DNAI1: variants seen among roughly 807,000 people sequenced by gnomAD.
DNAI1 encodes dynein axonemal intermediate chain 1, also known as dynein, axonemal, intermediate polypeptide 1.
A neutral mutation model predicts 92.0 loss-of-function variants in DNAI1; 67 were observed. The ratio of observed to expected loss-of-function variants is 0.73; its 90% CI spans 0.60 to 0.89. The LOEUF (loss-of-function observed/expected upper bound fraction) is 0.89. Ranked by LOEUF, DNAI1 falls within the 40% of genes least tolerant of loss-of-function variation. The pLI is 0.00. For synonymous variants in DNAI1, 323 were observed against 319.6 expected (o/e 1.01, Z -0.11); for missense variants, 839 against 866.6 (o/e 0.97, Z 0.40).
Position 34,497,200 on chromosome 9 carries a change from G to A in DNAI1, c.901+1G>A. 6.2e-7 allele frequency: 1 copy of A among 1,613,006 alleles called. No homozygotes were observed. Among genetic ancestry groups the A allele is most frequent in the Non-Finnish European group, 8.5e-7 (1 of 1,178,986 alleles). ...AATACATATGATGACATTGCTCAAGGTAAGAGTTGAAGTTCTGGCAACCAC... is the reference window on the plus strand; with the variant it reads ...AATACATATGATGACATTGCTCAAGATAAGAGTTGAAGTTCTGGCAACCAC... On this transcript the variant is annotated splice_donor_variant, in intron 10 of 19. Transcript: ENST00000242317. LOFTEE classifies it high-confidence loss of function.
At chr9:34,500,494 GC>G (rs1018100539) in intron 10 of DNAI1, among the ~76,000 whole-genome samples, 4 of 152,162 alleles carry the variant, frequency 2.6e-5, no homozygotes, top group African/African-American at 9.7e-5. Context: ...AGTAACAATG[GC>G]TAACACATAG....
chr9:34,460,556 G>A (rs1823932261), intron 1 of DNAI1, among the ~76,000 whole-genome samples: 1 of 152,220 alleles, frequency 6.6e-6, no homozygotes, highest in Non-Finnish European at 1.5e-5. Context: ...ATATGAACAT[G>A]CCCTAATTTT....
At position 34,459,027 on chromosome 9, in the gene DNAI1, G is replaced by A; in HGVS notation, c.22G>A (p.Ala8Thr). 6.2e-7 allele frequency: 1 copy of A among 1,614,044 alleles called. No individual in the cohort carries two copies. The highest frequency in any genetic ancestry group is 8.5e-7 in the Non-Finnish European group (1 of 1,179,938). Residue 8 changes from alanine (A) to threonine (T), a missense_variant, in exon 1 of 20, where the codon GCT becomes ACT. Physicochemically the swap from Ala to Thr is moderately conservative, Grantham distance 58. Coordinates refer to ENST00000242317, the MANE Select transcript of DNAI1 (RefSeq NM_012144.4). ...TGAGATGATTCCTGCTTCTGCGAAG[G>A]CTCCCCATAAACAGCCTCATAAGCA... MIPASAK[A>T]PHKQPHKQSI...
rs377065852 is a variant in DNAI1, at chr9:34,486,571, C to T, written c.261+1054C>T. On this transcript the variant is annotated intron_variant, in intron 4 of 19. Transcript: ENST00000242317. The stretch of plus-strand genomic sequence containing the variant: ...AATGAAACCTCCCTCTCTCCCCGTC[C>T]TCTTTCCTGAAGACAAGAAGAATTT... Among the ~76,000 whole-genome samples, 6 of 152,254 alleles carry T rather than the reference C, an allele frequency of 3.9e-5. No individual in the cohort carries two copies. In the South Asian group the frequency reaches 1.2e-3, roughly 32 times the overall value.
At position 34,501,042 on chromosome 9, in the gene DNAI1, T is replaced by C. The variant is rs146966995; in HGVS notation, c.1020-96T>C. The C allele has an allele frequency of 1.6e-4, 180 of 1,091,916 alleles. No individual in the cohort carries two copies. In the East Asian group the frequency reaches 4.2e-3, roughly 26 times the overall value. 67.6% of individuals were successfully genotyped at this position (1,091,916 alleles called of 1,614,324 possible). ...GCCTAAGCTGGAGAACAGATGTCTG[T>C]AGTATATTTAGGCACCAGTGCCAAT... On this transcript the variant is annotated intron_variant, in intron 11 of 19. Transcript: ENST00000242317.
intron 13 of DNAI1, among the ~76,000 whole-genome samples, chr9:34,507,904 T>G (rs185461597): frequency 1.3e-5 from 2 of 152,174 alleles, no homozygotes; most frequent in Non-Finnish European, 2.9e-5. Context: ...TACCTCGACA[T>G]TGGGGCTGGA....
At position 34,490,073 on chromosome 9, in the gene DNAI1, C is replaced by T; in HGVS notation, c.450C>T (p.Pro150=). 1 of 1,614,134 alleles carries T rather than the reference C, an allele frequency of 6.2e-7. No homozygotes were observed. Among genetic ancestry groups the T allele is most frequent in the Non-Finnish European group, 8.5e-7 (1 of 1,180,018 alleles). ...ETGNLEEDEE[P]KELETEPGSQ... ...GAAACCTCGAAGAAGACGAAGAGCC[C>T]AAGGAGTTAGAAACTGAGCCTGGGA... is the stretch of plus-strand genomic sequence containing the variant. Residue 150 remains proline, a synonymous_variant, in exon 6 of 20, where the codon CCC becomes CCT. Transcript: ENST00000242317.
At chr9:34,483,411 C>G (rs377100068) in intron 1 of DNAI1, 37 bp from the exon 2 acceptor site, 1 of 1,603,058 alleles carries the variant, frequency 6.2e-7, no homozygotes, top group Admixed American at 1.7e-5. Context: ...TGTCAATTTG[C>G]TTATGACTTA....
intron 1 of DNAI1, among the ~76,000 whole-genome samples, chr9:34,473,875 C>T (rs1824187829): frequency 6.6e-6 from 1 of 151,730 alleles, no homozygotes; most frequent in Non-Finnish European, 1.5e-5. Flanking sequence ...TTGGTACACC[C>T]CACTACACCT....
intron 10 of DNAI1, among the ~76,000 whole-genome samples, chr9:34,497,561 G>A (rs1171653983): frequency 6.6e-6 from 1 of 152,200 alleles, no homozygotes; most frequent in Non-Finnish European, 1.5e-5. Context: ...GTGGCAGAGA[G>A]GACCCAAATA....
At chr9:34,472,484 T>C (rs935444630) in intron 1 of DNAI1, among the ~76,000 whole-genome samples, 6 of 152,250 alleles carry the variant, frequency 3.9e-5, no homozygotes, top group African/African-American at 1.4e-4. Flanking sequence ...GCTGGTCTTG[T>C]ATTCTCTTTT....
intron 4 of DNAI1, among the ~76,000 whole-genome samples, chr9:34,487,524 C>T (rs564878491): frequency 2.0e-4 from 31 of 152,082 alleles, no homozygotes; most frequent in Admixed American, 5.2e-4. Context: ...GTGAGTTTTG[C>T]GAATGGCTTC....
At chr9:34,460,555 T>A (rs867695042) in intron 1 of DNAI1, among the ~76,000 whole-genome samples, 3 of 143,374 alleles carry the variant, frequency 2.1e-5, no homozygotes, top group Non-Finnish European at 4.6e-5. Flanking sequence ...CATATGAACA[T>A]GCCCTAATTT....
At position 34,466,503 on chromosome 9, in the gene DNAI1, CT is replaced by C. The variant is rs556176600; in HGVS notation, c.48+7451del. On this transcript the variant is annotated intron_variant, in intron 1 of 19. Transcript: ENST00000242317. ...CCTCTGCATGGAATGCCCAAGTCTT[CT>C]CTTCTCTTTCTGCCCTTTACAGACC... Among the ~76,000 whole-genome samples the C allele has an allele frequency of 5.9e-3, 893 of 152,302 alleles. 6 individuals are homozygous for C. The highest frequency in any genetic ancestry group is 0.01 in the Middle Eastern group (3 of 294).
intron 18 of DNAI1, among the ~76,000 whole-genome samples, chr9:34,516,885 A>G (rs1294197539): frequency 6.6e-6 from 1 of 151,670 alleles, no homozygotes; most frequent in Non-Finnish European, 1.5e-5. Context: ...GACTACAGGC[A>G]TGCACCACCA....
At chr9:34,512,980 C>A in intron 15 of DNAI1, 132 bp from the exon 16 acceptor site, 1 of 800,798 alleles carries the variant, frequency 1.2e-6, no homozygotes, top group Non-Finnish European at 2.2e-6. Flanking sequence ...TTACAGGGGC[C>A]CTAGTTCAGT....
At chr9:34,499,818 G>A (rs188232050) in intron 10 of DNAI1, among the ~76,000 whole-genome samples, 7 of 152,266 alleles carry the variant, frequency 4.6e-5, no homozygotes, top group Admixed American at 2.0e-4. Flanking sequence ...TAGAAATAAC[G>A]TGGATCTCCT....
At chr9:34,487,472 A>G (rs1413797925) in intron 4 of DNAI1, among the ~76,000 whole-genome samples, 4 of 152,120 alleles carry the variant, frequency 2.6e-5, no homozygotes, top group Non-Finnish European at 5.9e-5. Context: ...GGCATGAGCC[A>G]CTGCGCCTGG....
In DNAI1 at chr9:34,485,237, T is replaced by C. The variant is rs864622665; in HGVS notation, c.177T>C (p.Asp59=). 5 of 1,614,056 alleles carry C rather than the reference T, an allele frequency of 3.1e-6. No individual in the cohort carries two copies. The highest frequency in any genetic ancestry group is 1.6e-4 in the Middle Eastern group (1 of 6,084). Residue 59 remains aspartate (D), a synonymous_variant, in exon 3 of 20, where the codon GAT becomes GAC. Transcript: ENST00000242317. Reference sequence around the variant, plus strand: ...CCCCTGACCAGCTGGAGTTGACCGATGCGGTGAGTGAGTAGCCTCTTGTTC... The same window carrying C: ...CCCCTGACCAGCTGGAGTTGACCGACGCGGTGAGTGAGTAGCCTCTTGTTC... ...VRPPDQLELT[D]AELKEEFTRI... is the part of the protein sequence containing the mutation.
Sources: gnomAD v4.1 joint callset for allele counts (sites outside exome capture counted in the v4.1 genomes callset) on GRCh38, gnomAD v4.1.1 for gene constraint, MANE v1.5 for transcripts, NCBI Gene and HGNC (gene_info 2026-07-23, HGNC 2026-07-21) for gene names.